Variants in ADAMTSL1 observed in about 807,000 individuals in gnomAD.
ADAMTSL1 encodes ADAMTS like 1.
A neutral mutation model predicts 201.8 loss-of-function variants in ADAMTSL1; 126 were observed. The ratio of observed to expected loss-of-function variants is 0.62; its 90% CI spans 0.54 to 0.72. The LOEUF (loss-of-function observed/expected upper bound fraction) is 0.72, where lower values mean the gene tolerates loss of function less well. Ranked by LOEUF, ADAMTSL1 falls within the 30% of genes least tolerant of loss-of-function variation. The probability of loss-of-function intolerance (pLI) is 0.00; values close to 1 mark genes in which losing one functional copy is unlikely to be tolerated. For synonymous variants in ADAMTSL1, 1,121 were observed against 903.4 expected (o/e 1.24, Z -4.32); for missense variants, 2,679 against 2,277.8 (o/e 1.18, Z -3.59).
At position 18,474,201 on chromosome 9, in the gene ADAMTSL1, T is replaced by A. The variant is rs1821336132; in HGVS notation, c.-32T>A. ...GAGGAGCACTTAGCAGCTTATTCAG[T>A]GTCCGATTCTGATTCCGGCAAGGAT... On this transcript the variant is annotated 5_prime_UTR_variant, in exon 1 of 29. Transcript: ENST00000380548. The A allele has an allele frequency of 6.2e-7, 1 of 1,611,444 alleles. No homozygotes were observed. Among genetic ancestry groups the A allele is most frequent in the African/African-American group, 1.3e-5 (1 of 74,976 alleles).
chr9:17,917,886 T>G (rs555977343), intron 1 of ADAMTSL1, among the ~76,000 whole-genome samples: 24 of 152,126 alleles, frequency 1.6e-4, no homozygotes, highest in African/African-American at 5.5e-4. Flanking sequence ...AATTTCATCT[T>G]GAGTTAGCTT....
intron 2 of ADAMTSL1, among the ~76,000 whole-genome samples, chr9:18,379,114 G>A (rs954907092): frequency 6.6e-6 from 1 of 152,216 alleles, no homozygotes; most frequent in Non-Finnish European, 1.5e-5. Context: ...TCACCAAGGT[G>A]AGGGGCTAGA....
At chr9:18,542,171 G>C (rs1488233258) in intron 3 of ADAMTSL1, among the ~76,000 whole-genome samples, 2 of 152,042 alleles carry the variant, frequency 1.3e-5, no homozygotes, top group East Asian at 1.9e-4. Flanking sequence ...TGTATTTGTA[G>C]TATAATTTTA....
intron 2 of ADAMTSL1, among the ~76,000 whole-genome samples, chr9:18,383,797 A>G (rs1837665779): frequency 6.6e-6 from 1 of 152,206 alleles, no homozygotes; most frequent in Non-Finnish European, 1.5e-5. Flanking sequence ...AAGCTCAGGT[A>G]TGGAGGAAAA....
intron 5 of ADAMTSL1, among the ~76,000 whole-genome samples, chr9:18,625,781 A>G (rs1826323746): frequency 6.6e-6 from 1 of 152,166 alleles, no homozygotes; most frequent in Non-Finnish European, 1.5e-5. Flanking sequence ...TCTCGTCTGT[A>G]TCTGTATGTT....
intron 4 of ADAMTSL1, among the ~76,000 whole-genome samples, chr9:18,590,318 T>G (rs2132472403): frequency 6.6e-6 from 1 of 152,218 alleles, no homozygotes; most frequent in East Asian, 1.9e-4. Context: ...TTGTTTATAA[T>G]AGTCTAATGA....
At chr9:18,516,270 T>C (rs1355389290) in intron 2 of ADAMTSL1, among the ~76,000 whole-genome samples, 1 of 152,090 alleles carries the variant, frequency 6.6e-6, no homozygotes, top group Admixed American at 6.6e-5. Context: ...TGGAGACAGA[T>C]ACTGGATATT....
intron 1 of ADAMTSL1, among the ~76,000 whole-genome samples, chr9:17,994,090 TTGTGTG>T (rs367861504): frequency 1.8e-4 from 25 of 142,172 alleles, no homozygotes; most frequent in Non-Finnish European, 3.6e-4. Flanking sequence ...CAGAATCTCA[TTGTGTG>T]TGTGTGTGTG....
intron 2 of ADAMTSL1, among the ~76,000 whole-genome samples, chr9:18,252,127 C>A (rs924943695): frequency 2.0e-5 from 3 of 151,614 alleles, no homozygotes; most frequent in Admixed American, 6.6e-5. Context: ...GAAAAATGAG[C>A]GGTTAGGAGA....
At chr9:18,450,282 A>G (rs1048327061) in intron 2 of ADAMTSL1, among the ~76,000 whole-genome samples, 1 of 152,146 alleles carries the variant, frequency 6.6e-6, no homozygotes, top group African/African-American at 2.4e-5. Context: ...TGGTCGTTAC[A>G]TGATTGTATA....
At chr9:17,930,255 C>T (rs7867179) in intron 1 of ADAMTSL1, among the ~76,000 whole-genome samples, 35,543 of 151,930 alleles carry the variant, frequency 0.23, 4,673 homozygotes, top group East Asian at 0.39. Flanking sequence ...GATGGAGTCT[C>T]TGCCGTCTTT....
chr9:18,308,799 C>T (rs1226152681), intron 2 of ADAMTSL1, among the ~76,000 whole-genome samples: 2 of 152,104 alleles, frequency 1.3e-5, no homozygotes, highest in Non-Finnish European at 2.9e-5. Flanking sequence ...CTATTCCAAA[C>T]AATAGAAAAA....
intron 5 of ADAMTSL1, 149 bp from the exon 6 acceptor site, chr9:18,635,794 G>A: frequency 3.3e-6 from 2 of 604,306 alleles, no homozygotes; most frequent in Non-Finnish European, 5.6e-6. Context: ...AAGTGAAAAT[G>A]TTGATTTCTA....
At chr9:18,105,014 C>T (rs759935463) in intron 1 of ADAMTSL1, among the ~76,000 whole-genome samples, 7 of 151,584 alleles carry the variant, frequency 4.6e-5, no homozygotes, top group Non-Finnish European at 7.4e-5. Flanking sequence ...AGGTCAAGGC[C>T]GTATGTATAA....
chr9:18,845,988 A>T (rs1223022626), intron 23 of ADAMTSL1, among the ~76,000 whole-genome samples: 2 of 152,248 alleles, frequency 1.3e-5, no homozygotes, highest in Admixed American at 1.3e-4. Flanking sequence ...GCACTGTCTC[A>T]AAGATAGTTC....
At chr9:17,968,614 A>G (rs557013662) in intron 1 of ADAMTSL1, among the ~76,000 whole-genome samples, 1 of 152,284 alleles carries the variant, frequency 6.6e-6, no homozygotes, top group Non-Finnish European at 1.5e-5. Context: ...TCTCCCACAC[A>G]AACAATGTGG....
At chr9:18,055,956 T>C (rs934562263) in intron 1 of ADAMTSL1, among the ~76,000 whole-genome samples, 1 of 152,216 alleles carries the variant, frequency 6.6e-6, no homozygotes, top group Non-Finnish European at 1.5e-5. Context: ...TTAATTTGAA[T>C]TGCTACTATT....
intron 26 of ADAMTSL1, among the ~76,000 whole-genome samples, chr9:18,894,869 A>T (rs976801176): frequency 6.6e-6 from 1 of 152,188 alleles, no homozygotes; most frequent in Non-Finnish European, 1.5e-5. Context: ...TGAGGAACAC[A>T]ACACTAATTA....
In ADAMTSL1 at chr9:18,474,563, T is replaced by A. The variant is rs564814141; in HGVS notation, c.63+268T>A. 6.6e-5 allele frequency among the ~76,000 whole-genome samples: 10 copies of A among 152,306 alleles called. No individual in the cohort carries two copies. The South Asian group carries it at 1.9e-3, about 28-fold the overall frequency. On this transcript the variant is annotated intron_variant, in intron 1 of 28. Transcript: ENST00000380548. ...CTGAGACATGAACTTTGGGACATAC[T>A]GCATGGAGTTTGGGAGCTGAGGACT...
Sources: gnomAD v4.1 joint callset for allele counts (sites outside exome capture counted in the v4.1 genomes callset) on GRCh38, gnomAD v4.1.1 for gene constraint, MANE v1.5 for transcripts, NCBI Gene and HGNC (gene_info 2026-07-23, HGNC 2026-07-21) for gene names.